Variants in TSFM observed in about 807,000 individuals in gnomAD.
TSFM encodes Ts translation elongation factor, mitochondrial.
A neutral mutation model predicts 33.4 loss-of-function variants in TSFM; 29 were observed. That is an observed-to-expected ratio of 0.87 (90% CI 0.65 to 1.18). The LOEUF (loss-of-function observed/expected upper bound fraction) is 1.18. Among genes scored for constraint, TSFM ranks in the 50% most tolerant of loss-of-function variants. The probability of loss-of-function intolerance (pLI) is 0.00; values close to 1 mark genes in which losing one functional copy is unlikely to be tolerated. For synonymous variants in TSFM, 178 were observed against 163.5 expected (o/e 1.09, Z -0.68); for missense variants, 394 against 395.6 (o/e 1.00, Z 0.04).
At chr12:57,797,998 A>G (rs1322872119), downstream of TSFM, 1 of 1,590,460 alleles carries the variant, frequency 6.3e-7, no homozygotes, top group Admixed American at 1.8e-5. Context: ...AGGTAATTCT[A>G]AGAGAGAAAA....
downstream of TSFM, among the ~76,000 whole-genome samples, chr12:57,798,462 A>G (rs1384274566): frequency 6.6e-6 from 1 of 152,206 alleles, no homozygotes; most frequent in Non-Finnish European, 1.5e-5. Context: ...GAATATTTAT[A>G]TACAAGTAAA....
chr12:57,796,135 A>C, intron 5 of TSFM, 42 bp from the exon 6 acceptor site: 1 of 1,531,900 alleles, frequency 6.5e-7, no homozygotes, highest in South Asian at 1.3e-5. Flanking sequence ...CACAGACATC[A>C]CAATTTGTTG....
At chr12:57,798,026 AG>A (rs760446804), downstream of TSFM, 63 of 1,523,966 alleles carry the variant, frequency 4.1e-5, 1 homozygote, top group South Asian at 6.4e-4. Flanking sequence ...TCTAGTTAGA[AG>A]GAAGACATGA....
intron 4 of TSFM, among the ~76,000 whole-genome samples, chr12:57,788,909 A>G (rs1189324191): frequency 6.6e-6 from 1 of 151,292 alleles, no homozygotes; most frequent in Non-Finnish European, 1.5e-5. Flanking sequence ...TTGGGATTAT[A>G]GGCTTGGGTC....
chr12:57,797,694 T>C (rs1044691898), downstream of TSFM: 4 of 713,800 alleles, frequency 5.6e-6, no homozygotes, highest in South Asian at 2.1e-4. Flanking sequence ...TGGTTAACAT[T>C]TTAGGTATAT....
At chr12:57,798,153 T>G (rs985261754), downstream of TSFM, among the ~76,000 whole-genome samples, 4 of 152,198 alleles carry the variant, frequency 2.6e-5, no homozygotes, top group African/African-American at 7.2e-5. Context: ...AAATTATTCA[T>G]TGGAGAGGTG....
chr12:57,782,937 C>T, intron 1 of TSFM, 79 bp downstream of exon 1: 1 of 1,502,330 alleles, frequency 6.7e-7, no homozygotes, highest in Non-Finnish European at 9.0e-7. Context: ...TTCCTCCCAA[C>T]CTCGTTTGAC....
downstream of TSFM, among the ~76,000 whole-genome samples, chr12:57,799,576 G>A (rs1381969851): frequency 6.6e-6 from 1 of 152,204 alleles, no homozygotes; most frequent in African/African-American, 2.4e-5. Context: ...GCAGAGAAAT[G>A]GAAGAGGAGT....
chr12:57,798,994 T>C (rs1006463039), downstream of TSFM, among the ~76,000 whole-genome samples: 2 of 152,198 alleles, frequency 1.3e-5, no homozygotes, highest in African/African-American at 4.8e-5. Context: ...CTAGGCACTG[T>C]TGTAGGTGCA....
At chr12:57,789,333 A>G (rs1162528584) in intron 4 of TSFM, among the ~76,000 whole-genome samples, 1 of 152,086 alleles carries the variant, frequency 6.6e-6, no homozygotes, top group Non-Finnish European at 1.5e-5. Context: ...TTCCTTCAGC[A>G]TGTATCTCGT....
At chr12:57,800,017 G>C, downstream of TSFM, 1 of 1,461,546 alleles carries the variant, frequency 6.8e-7, no homozygotes, top group Admixed American at 1.9e-5. Context: ...TTTGACTTAT[G>C]CCACTTCACC....
At chr12:57,784,030 G>A (rs1241012467) in intron 2 of TSFM, 1 of 702,862 alleles carries the variant, frequency 1.4e-6, no homozygotes. Context: ...TTTGGCTTAT[G>A]CACATCATAG....
chr12:57,796,036 G>A (rs1299489230), intron 5 of TSFM, 141 bp from the exon 6 acceptor site: 2 of 702,640 alleles, frequency 2.8e-6, no homozygotes, highest in East Asian at 5.7e-5. Context: ...AACTGAAAAT[G>A]GTATCTCTTC....
intron 2 of TSFM, chr12:57,784,048 A>G (rs1330156861): frequency 1.4e-6 from 1 of 702,836 alleles, no homozygotes; most frequent in Non-Finnish European, 2.6e-6. Context: ...TAGAGTACCT[A>G]CACAAACCTA....
chr12:57,801,112 G>T, downstream of TSFM: 1 of 1,597,468 alleles, frequency 6.3e-7, no homozygotes. Flanking sequence ...TGCCCATGTG[G>T]CTGGCTTCTC....
chr12:57,798,169 C>A (rs948700160), downstream of TSFM, among the ~76,000 whole-genome samples: 1 of 152,188 alleles, frequency 6.6e-6, no homozygotes. Context: ...AGGTGTTCTT[C>A]AGGTCAGGGA....
chr12:57,787,876 G>A (rs1038765676), intron 4 of TSFM, among the ~76,000 whole-genome samples: 2 of 151,704 alleles, frequency 1.3e-5, no homozygotes, highest in African/African-American at 2.4e-5. Flanking sequence ...GCAGTGAGCC[G>A]TTGTACTCCC....
chr12:57,800,695 C>T (rs1277820562), downstream of TSFM: 1 of 154,634 alleles, frequency 6.5e-6, no homozygotes, highest in Non-Finnish European at 1.4e-5. Context: ...GCAACTTCCG[C>T]TTCCTGGGTT....
In TSFM at chr12:57,796,800, TGTC is replaced by T. The variant is rs1955747172; in HGVS notation, c.*220_*222del. ...CAGGTGGGCCTTATTGACGTGATAG[TGTC>T]GTGGAGAACAGGCATCAACAATACT... On this transcript the variant is annotated 3_prime_UTR_variant, in exon 6 of 6. Coordinates refer to ENST00000652027, the MANE Select transcript of TSFM (RefSeq NM_005726.6). The T allele has an allele frequency of 8.4e-6, 10 of 1,189,214 alleles. 1 individual carries two copies. The South Asian group carries it at 3.8e-4, about 45-fold the overall frequency. 73.7% of individuals were successfully genotyped at this position (1,189,214 alleles called of 1,614,324 possible). A position where few individuals can be genotyped will look rare whatever the true frequency, so the allele number is the denominator to read the frequency against.
Sources: gnomAD v4.1 joint callset for allele counts (sites outside exome capture counted in the v4.1 genomes callset) on GRCh38, gnomAD v4.1.1 for gene constraint, MANE v1.5 for transcripts, NCBI Gene and HGNC (gene_info 2026-07-23, HGNC 2026-07-21) for gene names.